Variants in ARHGEF33 observed in about 807,000 individuals in gnomAD.
The protein encoded by ARHGEF33 is Rho guanine nucleotide exchange factor 33.
ARHGEF33 carries 72 observed loss-of-function variants against 101.9 expected under a neutral mutation model. The observed-to-expected ratio is 0.71, with a 90% CI of 0.58 to 0.86. ARHGEF33 has a LOEUF of 0.86. ARHGEF33 is among the 40% of genes least tolerant of loss of function. The pLI is 0.00. For missense variants in ARHGEF33, 1,169 were observed against 1,111.3 expected, an observed-to-expected ratio of 1.05 and a Z score of -0.74; for synonymous variants, 499 against 442.5, an observed-to-expected ratio of 1.13 and a Z score of -1.60.
At chr2:38,962,374 G>C (rs1416931096) in intron 16 of ARHGEF33, among the ~76,000 whole-genome samples, 1 of 152,132 alleles carries the variant, frequency 6.6e-6, no homozygotes, top group African/African-American at 2.4e-5. Context: ...TAGTTGATTT[G>C]TGAAAAATTT....
At chr2:38,959,617 A>G in intron 15 of ARHGEF33, 1 of 486,352 alleles carries the variant, frequency 2.1e-6, no homozygotes, top group Non-Finnish European at 3.6e-6. Context: ...GCCATTTCCC[A>G]GAAGCTCAGA....
Position 38,919,269 on chromosome 2 carries a change from G to A in ARHGEF33, c.-85-94G>A, listed in dbSNP as rs1666704523. ...TCTGAAATTGCATGTACCTCAAGCT[G>A]TGTTCATTTCAATTTTTTTACTAAT... is the stretch of plus-strand genomic sequence containing the variant. On this transcript the variant is annotated intron_variant, in intron 2 of 17. Transcript: ENST00000409978. The A allele has an allele frequency of 8.4e-6, 5 of 598,264 alleles. No individual in the cohort carries two copies. In the South Asian group the frequency reaches 1.1e-4, roughly 14 times the overall value. 37.1% of individuals were successfully genotyped at this position (598,264 alleles called of 1,614,324 possible). A position where few individuals can be genotyped will look rare whatever the true frequency, so the allele number is the denominator to read the frequency against.
At chr2:38,893,057 C>T (rs929803286) in intron 1 of ARHGEF33, among the ~76,000 whole-genome samples, 5 of 152,186 alleles carry the variant, frequency 3.3e-5, no homozygotes, top group African/African-American at 1.2e-4. Flanking sequence ...TCTCTATCTG[C>T]CCCCAATCTA....
At chr2:38,967,143 C>T (rs1000079722) in intron 17 of ARHGEF33, among the ~76,000 whole-genome samples, 4 of 152,254 alleles carry the variant, frequency 2.6e-5, no homozygotes, top group African/African-American at 9.6e-5. Context: ...GTCGAGGTCA[C>T]TGGCTGATTT....
chr2:38,931,244 C>T lies in ARHGEF33; in HGVS notation c.498C>T (p.Tyr166=), dbSNP rs377676959. ...CCAACCTTTTGCCTTCTCAGGCCTA[C>T]GAGAAAGGTACAGTTCACAAATCAT... ...DFTNLLPSQA[Y]EKAQESRSVH... is the part of the protein sequence containing the mutation. The change falls in exon 7 of 18, where the codon TAC becomes TAT. Residue 166 remains tyrosine, a synonymous_variant. Coordinates refer to ENST00000409978, the MANE Select transcript of ARHGEF33 (RefSeq NM_001145451.5). 473 of 1,545,720 alleles carry T rather than the reference C, an allele frequency of 3.1e-4. 1 individual carries two copies. The highest frequency in any genetic ancestry group is 3.9e-4 in the Non-Finnish European group (442 of 1,145,396).
In ARHGEF33 at chr2:38,966,068, A is replaced by G. The variant is rs763463119; in HGVS notation, c.2406A>G (p.Thr802=). Residue 802 remains threonine, a synonymous_variant, in exon 17 of 18, where the codon ACA becomes ACG. Transcript: ENST00000409978. ...AAGAAGAAAGAGAAAGTGAACAAACATCTTTCAGCGATCAAAATCCCAGGC... is the reference window on the plus strand; with the variant it reads ...AAGAAGAAAGAGAAAGTGAACAAACGTCTTTCAGCGATCAAAATCCCAGGC... ...CPKEERESEQ[T]SFSDQNPRQD... The G allele has an allele frequency of 2.9e-5, 45 of 1,551,614 alleles. No individual in the cohort carries two copies. The highest frequency in any genetic ancestry group is 2.6e-5 in the Non-Finnish European group (30 of 1,147,000).
chr2:38,926,967 T>C (rs762924963), intron 4 of ARHGEF33, among the ~76,000 whole-genome samples: 14 of 152,188 alleles, frequency 9.2e-5, no homozygotes, highest in Admixed American at 2.0e-4. Flanking sequence ...ATTTACATAA[T>C]GAAAAATTAC....
At chr2:38,920,398 CTTTTTTTTTTTTTTT>C (rs61429948) in intron 3 of ARHGEF33, among the ~76,000 whole-genome samples, 2 of 77,822 alleles carry the variant, frequency 2.6e-5, no homozygotes, top group East Asian at 4.8e-4. Context: ...TCTTTCTTTC[CTTTTTTTTTTTTTTT>C]TTTTTTTTTT....
intron 14 of ARHGEF33, 94 bp from the exon 15 acceptor site, chr2:38,957,940 C>T: frequency 7.0e-7 from 1 of 1,428,806 alleles, no homozygotes; most frequent in Non-Finnish European, 9.5e-7. Context: ...CAAACTTTAT[C>T]TGAGACATCT....
chr2:38,945,761 A>G (rs1008977702), intron 10 of ARHGEF33, among the ~76,000 whole-genome samples: 4 of 152,190 alleles, frequency 2.6e-5, no homozygotes, highest in African/African-American at 9.7e-5. Context: ...AAAAGAGAAA[A>G]CTGTTTACTG....
In ARHGEF33 at chr2:38,959,843, A is replaced by G; in HGVS notation, c.1538A>G (p.His513Arg). ...TGTACTCTGTTTTCCCCCTAAAGAC[A>G]TCTGATGCCCCCAGTGAAGAAAAGC... ...SAPSSGPAIT[H>R]LMPPVKKSQQ... is the part of the protein sequence containing the mutation. Residue 513 changes from histidine to arginine, a missense_variant and splice_region_variant, in exon 16 of 18, where the codon CAT becomes CGT. His to Arg is a conservative substitution (Grantham distance 29). Transcript: ENST00000409978. The G allele has an allele frequency of 3.9e-6, 6 of 1,545,800 alleles. No homozygotes were observed. Among genetic ancestry groups the G allele is most frequent in the Non-Finnish European group, 5.2e-6 (6 of 1,142,998 alleles).
intron 7 of ARHGEF33, among the ~76,000 whole-genome samples, chr2:38,935,003 C>T (rs384421): frequency 0.29 from 42,432 of 147,622 alleles, 6,227 homozygotes; most frequent in Admixed American, 0.32. Context: ...AGAAGACCAA[C>T]GGGGGTAAAG....
intron 1 of ARHGEF33, among the ~76,000 whole-genome samples, chr2:38,892,594 A>T (rs971468428): frequency 3.9e-5 from 6 of 152,238 alleles, no homozygotes; most frequent in Non-Finnish European, 7.3e-5. Context: ...ATTGACAAAA[A>T]CAAAAGTTAA....
intron 10 of ARHGEF33, among the ~76,000 whole-genome samples, chr2:38,944,482 C>T (rs1249189123): frequency 6.6e-6 from 1 of 152,132 alleles, no homozygotes; most frequent in Non-Finnish European, 1.5e-5. Flanking sequence ...TAGGCTCCAC[C>T]TCCCAGTACT....
In ARHGEF33 at chr2:38,954,357, C is replaced by A. The variant is rs1404876853; in HGVS notation, c.1138-16C>A. On this transcript the variant is annotated splice_polypyrimidine_tract_variant and intron_variant, in intron 12 of 17. Coordinates refer to ENST00000409978, the MANE Select transcript of ARHGEF33 (RefSeq NM_001145451.5). ...GGAGGAACACTGAAGAGTAACTTGA[C>A]CTTTCTTTCATTCAGGGTGATGAAG... is the stretch of plus-strand genomic sequence containing the variant. 4 of 1,495,172 alleles carry A rather than the reference C, an allele frequency of 2.7e-6. No individual in the cohort carries two copies. The highest frequency in any genetic ancestry group is 1.2e-5 in the South Asian group (1 of 82,760). The allele number at this position is 1,495,172 out of a possible 1,614,324, so 92.6% of individuals were successfully genotyped here. A position where few individuals can be genotyped will look rare whatever the true frequency, so the allele number is the denominator to read the frequency against.
At chr2:38,930,281 A>G (rs1172359847) in intron 6 of ARHGEF33, among the ~76,000 whole-genome samples, 1 of 152,158 alleles carries the variant, frequency 6.6e-6, no homozygotes, top group Non-Finnish European at 1.5e-5. Flanking sequence ...GAATCAAGTA[A>G]AGTTTCACCA....
intron 1 of ARHGEF33, 39 bp downstream of exon 1, chr2:38,890,025 A>G (rs1454044245): frequency 6.8e-5 from 28 of 414,038 alleles, no homozygotes; most frequent in African/African-American, 4.2e-5. Context: ...GGGCACTGAA[A>G]GGGGAAACAA....
chr2:38,909,978 A>AT (rs1214106508), intron 2 of ARHGEF33, among the ~76,000 whole-genome samples: 1 of 151,834 alleles, frequency 6.6e-6, no homozygotes, highest in African/African-American at 2.4e-5. Context: ...ACGTATAGTT[A>AT]TTTTTTTATT....
In ARHGEF33 at chr2:38,960,135, C is replaced by A; in HGVS notation, c.1830C>A (p.Pro610=). The A allele has an allele frequency of 1.9e-6, 3 of 1,542,588 alleles. No individual in the cohort carries two copies. Among genetic ancestry groups the A allele is most frequent in the Non-Finnish European group, 2.6e-6 (3 of 1,145,512 alleles). Residue 610 remains proline, a synonymous_variant, in exon 16 of 18, where the codon CCC becomes CCA. Transcript: ENST00000409978. The part of the protein sequence containing the change: ...ELLPDARGFV[P]AAYEEFEYGG... ...TGCCCGATGCCCGCGGCTTCGTGCC[C>A]GCGGCCTACGAAGAGTTCGAGTACG...
Sources: allele counts gnomAD v4.1 joint callset (sites outside exome capture counted in the v4.1 genomes callset), GRCh38; gene constraint gnomAD v4.1.1; transcripts MANE v1.5; gene names NCBI Gene and HGNC (gene_info 2026-07-23, HGNC 2026-07-21).